The following PRTFDC1 variants were observed in gnomAD, a reference collection of about 807,000 sequenced individuals.
PRTFDC1 encodes the protein phosphoribosyltransferase domain-containing protein 1.
A neutral mutation model predicts 34.6 loss-of-function variants in PRTFDC1; 38 were observed. The ratio of observed to expected loss-of-function variants is 1.10; its 90% CI spans 0.85 to 1.44. The LOEUF (loss-of-function observed/expected upper bound fraction) is 1.44, where lower values mean the gene tolerates loss of function less well. Among genes scored for constraint, PRTFDC1 ranks in the 40% most tolerant of loss-of-function variants. The pLI is 0.00. For synonymous variants in PRTFDC1, 93 were observed against 98.1 expected (o/e 0.95, Z 0.31); for missense variants, 270 against 283.0 (o/e 0.95, Z 0.33).
intron 3 of PRTFDC1, among the ~76,000 whole-genome samples, chr10:24,911,346 C>T (rs553051764): frequency 6.6e-6 from 1 of 152,302 alleles, no homozygotes; most frequent in African/African-American, 2.4e-5. Context: ...TATATCCTTT[C>T]AAGTGTGGCT....
chr10:24,923,424 G>T (rs931255703), intron 3 of PRTFDC1, among the ~76,000 whole-genome samples: 3 of 152,306 alleles, frequency 2.0e-5, no homozygotes, highest in African/African-American at 7.2e-5. Context: ...ATACAGGTGG[G>T]TGCCCTTCTG....
At chr10:24,871,287 C>A (rs545688986) in intron 4 of PRTFDC1, among the ~76,000 whole-genome samples, 1 of 152,012 alleles carries the variant, frequency 6.6e-6, no homozygotes, top group Non-Finnish European at 1.5e-5. Flanking sequence ...TAGGTCAGTA[C>A]GGCTGAACAA....
At chr10:24,872,808 T>TATATATA (rs1565261776) in intron 3 of PRTFDC1, among the ~76,000 whole-genome samples, 6 of 65,830 alleles carry the variant, frequency 9.1e-5, no homozygotes, top group African/African-American at 5.4e-4. Context: ...ATATATATAT[T>TATATATA]TTTTTTTTTT....
intron 2 of PRTFDC1, among the ~76,000 whole-genome samples, chr10:24,940,843 G>T (rs1195010294): frequency 6.6e-6 from 1 of 152,146 alleles, no homozygotes; most frequent in Non-Finnish European, 1.5e-5. Context: ...ACGCAAAATG[G>T]CCAGAAAAGA....
intron 2 of PRTFDC1, among the ~76,000 whole-genome samples, chr10:24,939,398 T>C (rs1318177013): frequency 1.3e-5 from 2 of 150,996 alleles, no homozygotes; most frequent in African/African-American, 4.9e-5. Flanking sequence ...ATACGATAGA[T>C]ACTAAACATT....
At chr10:24,895,465 G>A (rs922522587) in intron 3 of PRTFDC1, among the ~76,000 whole-genome samples, 5 of 150,452 alleles carry the variant, frequency 3.3e-5, no homozygotes, top group Admixed American at 6.6e-5. Context: ...TGCTCAGGCT[G>A]GTCTTGAACT....
In PRTFDC1 at chr10:24,892,935, T is replaced by C. The variant is rs533880792; in HGVS notation, c.340-20872A>G. The stretch of plus-strand genomic sequence containing the variant: ...TTGATTTTTATCACTCCAGTTTATA[T>C]TTGGCTGAGGAGTATGGGGAGAAAG... On this transcript the variant is annotated intron_variant, in intron 3 of 8. Transcript: ENST00000320152. 7.9e-5 allele frequency among the ~76,000 whole-genome samples: 12 copies of C among 152,314 alleles called. No homozygotes were observed. The South Asian group carries it at 2.3e-3, about 29-fold the overall frequency.
At chr10:24,895,688 G>GAT (rs762084915) in intron 3 of PRTFDC1, among the ~76,000 whole-genome samples, 13,793 of 46,850 alleles carry the variant, frequency 0.29, 2,164 homozygotes, top group Non-Finnish European at 0.34. Context: ...AGCTGGGGTG[G>GAT]ATATATATAT....
rs571281915 is a variant in PRTFDC1 at position 24,930,926 on chromosome 10, G to T, written c.339+6258C>A. On this transcript the variant is annotated intron_variant, in intron 3 of 8. Transcript: ENST00000320152. ...AGAAATACGCAAGGAAAAGGTATGAGAAATTAGAAAGAAATAGTAGTATTT... is the reference window on the plus strand; with the variant it reads ...AGAAATACGCAAGGAAAAGGTATGATAAATTAGAAAGAAATAGTAGTATTT... Among the ~76,000 whole-genome samples the T allele has an allele frequency of 2.3e-4, 35 of 152,252 alleles. No homozygotes were observed. The South Asian group carries it at 7.0e-3, about 31-fold the overall frequency.
intron 3 of PRTFDC1, among the ~76,000 whole-genome samples, chr10:24,917,112 G>A (rs528743832): frequency 6.6e-6 from 1 of 152,166 alleles, no homozygotes; most frequent in African/African-American, 2.4e-5. Flanking sequence ...ATAGTTCCAG[G>A]AGTCACTTAA....
At chr10:24,917,104 A>G (rs1848707425) in intron 3 of PRTFDC1, among the ~76,000 whole-genome samples, 2 of 152,186 alleles carry the variant, frequency 1.3e-5, no homozygotes, top group Admixed American at 1.3e-4. Flanking sequence ...AGATTGCCAT[A>G]GTTCCAGGAG....
Position 24,849,615 on chromosome 10 carries a change from G to T in PRTFDC1, c.*229C>A. On this transcript the variant is annotated 3_prime_UTR_variant, in exon 9 of 9. Coordinates refer to ENST00000320152, the MANE Select transcript of PRTFDC1 (RefSeq NM_020200.7). ...GATAGCATTGCTGAGTCACAAGGCGGAGTGTTTAATTTGGAACAAGTCAAA... is the reference window on the plus strand; with the variant it reads ...GATAGCATTGCTGAGTCACAAGGCGTAGTGTTTAATTTGGAACAAGTCAAA... The T allele has an allele frequency of 2.1e-6, 1 of 481,258 alleles. No homozygotes were observed. The allele number at this position is 481,258 out of a possible 1,614,324, so 29.8% of individuals were successfully genotyped here.
At chr10:24,870,780 G>A (rs1296884755) in intron 4 of PRTFDC1, among the ~76,000 whole-genome samples, 1 of 152,114 alleles carries the variant, frequency 6.6e-6, no homozygotes, top group Non-Finnish European at 1.5e-5. Flanking sequence ...TGTCTTCAGA[G>A]TAGAGGGAAG....
Position 24,896,232 on chromosome 10 carries a change from C to T in PRTFDC1, c.340-24169G>A, listed in dbSNP as rs189737728. Among the ~76,000 whole-genome samples the T allele has an allele frequency of 1.4e-4, 22 of 152,238 alleles. 1 individual carries two copies. Among genetic ancestry groups the T allele is most frequent in the Non-Finnish European group, 2.9e-5 (2 of 68,022 alleles). ...TGAGCTCTGCCTCCTGTCAGATCAG[C>T]GGGGGCATGAGATTCTCATAGGATC... On this transcript the variant is annotated intron_variant, in intron 3 of 8. Transcript: ENST00000320152.
At chr10:24,913,581 TTA>T (rs1417507349) in intron 3 of PRTFDC1, among the ~76,000 whole-genome samples, 1 of 152,234 alleles carries the variant, frequency 6.6e-6, no homozygotes, top group Non-Finnish European at 1.5e-5. Flanking sequence ...TTAATATCTC[TTA>T]TCTCAGTATT....
intron 3 of PRTFDC1, among the ~76,000 whole-genome samples, chr10:24,885,730 C>G (rs1485349292): frequency 6.6e-6 from 1 of 152,160 alleles, no homozygotes; most frequent in Admixed American, 6.5e-5. Flanking sequence ...AATTGCTAAA[C>G]TATGGAAACA....
chr10:24,935,627 G>A (rs1050626780), intron 3 of PRTFDC1, among the ~76,000 whole-genome samples: 2 of 152,216 alleles, frequency 1.3e-5, no homozygotes, highest in Admixed American at 1.3e-4. Context: ...ACTTGTAAAC[G>A]TGGTGGGAAT....
chr10:24,858,547 G>C, intron 4 of PRTFDC1, 138 bp from the exon 5 acceptor site: 1 of 819,884 alleles, frequency 1.2e-6, no homozygotes, highest in Non-Finnish European at 2.0e-6. Context: ...CAAAGGACTA[G>C]AGGTGATCTA....
At chr10:24,863,557 C>A (rs1847721576) in intron 4 of PRTFDC1, among the ~76,000 whole-genome samples, 1 of 152,128 alleles carries the variant, frequency 6.6e-6, no homozygotes, top group Non-Finnish European at 1.5e-5. Flanking sequence ...TTTAAACTTT[C>A]AAGTCTTATT....
Sources: gnomAD v4.1 joint callset for allele counts (sites outside exome capture counted in the v4.1 genomes callset) on GRCh38, gnomAD v4.1.1 for gene constraint, MANE v1.5 for transcripts, NCBI Gene and HGNC (gene_info 2026-07-23, HGNC 2026-07-21) for gene names.